The following SLC35F3 variants were observed in gnomAD, a reference collection of about 807,000 sequenced individuals.
The protein encoded by SLC35F3 is putative thiamine transporter SLC35F3.
In SLC35F3, 25 loss-of-function variants were observed where a neutral mutation model predicts 49.9. That is an observed-to-expected ratio of 0.50 (90% CI 0.37 to 0.70). The LOEUF (loss-of-function observed/expected upper bound fraction) is 0.70, where lower values mean the gene tolerates loss of function less well. Ranked by LOEUF, SLC35F3 falls within the 30% of genes least tolerant of loss-of-function variation. The pLI, the probability that SLC35F3 is intolerant of heterozygous loss-of-function variation, is 0.00. For synonymous variants in SLC35F3, 275 were observed against 265.4 expected (o/e 1.04, Z -0.35); for missense variants, 525 against 639.8 (o/e 0.82, Z 1.94).
At chr1:234,307,497 A>G (rs1657227530) in intron 3 of SLC35F3, among the ~76,000 whole-genome samples, 1 of 152,214 alleles carries the variant, frequency 6.6e-6, no homozygotes, top group Non-Finnish European at 1.5e-5. Context: ...TTCTAGATTG[A>G]TAGGAAGACT....
At chr1:234,140,002 A>AATAAAATAATAAAAAAT in intron 2 of SLC35F3, among the ~76,000 whole-genome samples, 1 of 105,368 alleles carries the variant, frequency 9.5e-6, no homozygotes, top group Non-Finnish European at 2.4e-5. Flanking sequence ...AATAAAATAA[A>AATAAAATAATAAAAAAT]GTAAGTGACT....
Position 233,957,613 on chromosome 1 carries a change from G to A in SLC35F3, c.283+51855G>A, listed in dbSNP as rs1383196810. On this transcript the variant is annotated intron_variant, in intron 2 of 7. Transcript: ENST00000366618. This position sits in a 1 kb window ranked among gnomAD's most constrained non-coding sequence, Gnocchi z 4.0. ...GTGGATCACCTGAAGTCAGGAGTTC[G>A]AGACCAGCCTGGCCAACACGGTGAA... Among the ~76,000 whole-genome samples the A allele has an allele frequency of 2.0e-5, 3 of 152,118 alleles. No homozygotes were observed. The highest frequency in any genetic ancestry group is 4.8e-5 in the African/African-American group (2 of 41,396).
At chr1:234,181,338 G>GAAAAAAAAAAAAAAAAGAAAGAAAA (rs1666553244) in intron 2 of SLC35F3, among the ~76,000 whole-genome samples, 1 of 97,310 alleles carries the variant, frequency 1.0e-5, no homozygotes, top group Non-Finnish European at 2.1e-5. Context: ...TCTGTCTCAA[G>GAAAAAAAAAAAAAAAAGAAAGAAAA]AAAAAAAAAA....
intron 2 of SLC35F3, among the ~76,000 whole-genome samples, chr1:234,223,970 C>A (rs951220645): frequency 6.6e-6 from 1 of 152,152 alleles, no homozygotes; most frequent in Admixed American, 6.5e-5. Flanking sequence ...AAAACAAACT[C>A]CCTGATGTCT....
intron 2 of SLC35F3, among the ~76,000 whole-genome samples, chr1:233,912,014 C>T (rs1242618672): frequency 6.6e-6 from 1 of 152,130 alleles, no homozygotes; most frequent in Admixed American, 6.5e-5. Flanking sequence ...AACATAAATC[C>T]ACATGCAAAT....
chr1:234,214,508 C>G lies in SLC35F3; in HGVS notation c.284-16909C>G. 6 of 1,542,290 alleles carry G rather than the reference C, an allele frequency of 3.9e-6. No individual in the cohort carries two copies. The highest frequency in any genetic ancestry group is 5.2e-6 in the Non-Finnish European group (6 of 1,146,318). On this transcript the variant is annotated intron_variant, in intron 2 of 7. Coordinates refer to ENST00000366618, the MANE Select transcript of SLC35F3 (RefSeq NM_173508.4). The surrounding 1 kb of genome is among the most constrained non-coding windows in gnomAD (Gnocchi z 8.0). Reference sequence around the variant, plus strand: ...AGGCGGCCGGCTCATCATGAAGAAGCACTCGGCCCGGGTGGCCCCGCTCAG... The same window carrying G: ...AGGCGGCCGGCTCATCATGAAGAAGGACTCGGCCCGGGTGGCCCCGCTCAG...
chr1:233,905,179 G>A, intron 1 of SLC35F3, 49 bp downstream of exon 1: 1 of 1,540,280 alleles, frequency 6.5e-7, no homozygotes, highest in Non-Finnish European at 8.8e-7. Context: ...GCGGGAGGCC[G>A]GAGCGCCGGG....
At chr1:234,267,478 C>G (rs1572124711) in intron 3 of SLC35F3, among the ~76,000 whole-genome samples, 1 of 149,744 alleles carries the variant, frequency 6.7e-6, no homozygotes. Context: ...CCCCTCACCT[C>G]CCGGATGGGG....
chr1:234,080,557 A>T (rs1664860088), intron 2 of SLC35F3, among the ~76,000 whole-genome samples: 1 of 152,230 alleles, frequency 6.6e-6, no homozygotes, highest in South Asian at 2.1e-4. Context: ...AAAAGGAATG[A>T]AGTGCTGATG....
chr1:233,974,361 T>C (rs751166254), intron 2 of SLC35F3, among the ~76,000 whole-genome samples: 8 of 152,046 alleles, frequency 5.3e-5, no homozygotes, highest in African/African-American at 9.6e-5. Context: ...ATTTTGTATT[T>C]TTAGTAGACG....
At chr1:234,253,457 T>TAAA (rs59259237) in intron 3 of SLC35F3, among the ~76,000 whole-genome samples, 5 of 147,808 alleles carry the variant, frequency 3.4e-5, no homozygotes, top group African/African-American at 1.2e-4. Flanking sequence ...CATTTGAATT[T>TAAA]AAAAAAAAAA....
At chr1:234,067,455 C>T (rs538607702) in intron 2 of SLC35F3, among the ~76,000 whole-genome samples, 43 of 152,284 alleles carry the variant, frequency 2.8e-4, no homozygotes, top group African/African-American at 8.7e-4. Flanking sequence ...GCATGACCTC[C>T]GCATATCCTC....
At chr1:234,116,377 C>A (rs1245660592) in intron 2 of SLC35F3, among the ~76,000 whole-genome samples, 1 of 152,048 alleles carries the variant, frequency 6.6e-6, no homozygotes, top group East Asian at 1.9e-4. Context: ...GGGAAAAGAC[C>A]AAATAAATAT....
chr1:233,939,118 A>G (rs1662381382), intron 2 of SLC35F3, among the ~76,000 whole-genome samples: 1 of 152,120 alleles, frequency 6.6e-6, no homozygotes, highest in South Asian at 2.1e-4. Flanking sequence ...TAAATAAATA[A>G]ATACCACTTC....
intron 3 of SLC35F3, among the ~76,000 whole-genome samples, chr1:234,279,529 G>A (rs148710224): frequency 5.3e-5 from 8 of 152,292 alleles, no homozygotes; most frequent in African/African-American, 1.7e-4. Context: ...GGGACAGAGA[G>A]CCAGGAGCTG....
chr1:234,024,008 G>C (rs1233396217), intron 2 of SLC35F3, among the ~76,000 whole-genome samples: 4 of 151,930 alleles, frequency 2.6e-5, no homozygotes, highest in African/African-American at 9.7e-5. Context: ...AACAGAAAAA[G>C]GGCATTAGGT....
At chr1:233,910,718 AG>A (rs950017959) in intron 2 of SLC35F3, among the ~76,000 whole-genome samples, 3 of 152,154 alleles carry the variant, frequency 2.0e-5, no homozygotes, top group African/African-American at 7.2e-5. Context: ...GCTTTTTTGA[AG>A]GGGGTCATGC....
chr1:234,032,367 T>C (rs924434974), intron 2 of SLC35F3, among the ~76,000 whole-genome samples: 2 of 151,184 alleles, frequency 1.3e-5, no homozygotes, highest in African/African-American at 4.9e-5. Flanking sequence ...TATTTTTTTC[T>C]TTTAAAAAAA....
In SLC35F3 at chr1:234,090,662, T is replaced by G. The variant is rs191769409; in HGVS notation, c.284-140755T>G. 7.2e-5 allele frequency among the ~76,000 whole-genome samples: 11 copies of G among 152,342 alleles called. 1 individual carries two copies. The East Asian group carries it at 1.9e-3, about 27-fold the overall frequency. ...TGGTCAGAAAATAGCAGCGTTAGCA[T>G]GATCTAAGGGTGGAGTTTTTGGCTC... On this transcript the variant is annotated intron_variant, in intron 2 of 7. Transcript: ENST00000366618.
Sources: gnomAD v4.1 joint callset for allele counts (sites outside exome capture counted in the v4.1 genomes callset) on GRCh38, gnomAD v4.1.1 for gene constraint, Gnocchi (gnomAD v3.1) non-coding constraint, MANE v1.5 for transcripts, NCBI Gene and HGNC (gene_info 2026-07-23, HGNC 2026-07-21) for gene names.